The following BDP1 variants were observed in gnomAD, a reference collection of about 807,000 sequenced individuals.
BDP1 encodes the protein BDP1 general transcription factor IIIB subunit.
In BDP1, 169 loss-of-function variants were observed where a neutral mutation model predicts 266.6. That is an observed-to-expected ratio of 0.63 (90% confidence interval 0.56 to 0.72). The LOEUF (loss-of-function observed/expected upper bound fraction) is 0.72, where lower values mean the gene tolerates loss of function less well. Ranked by LOEUF, BDP1 falls within the 30% of genes least tolerant of loss-of-function variation. The probability of loss-of-function intolerance (pLI) is 0.00; values close to 1 mark genes in which losing one functional copy is unlikely to be tolerated. For missense variants in BDP1, 3,015 were observed against 3,053.8 expected, an observed-to-expected ratio of 0.99 and a Z score of 0.30; for synonymous variants, 1,090 against 1,022.4, an observed-to-expected ratio of 1.07 and a Z score of -1.26.
At position 71,566,865 on chromosome 5, in the gene BDP1, T is replaced by C. The variant is rs1379822240; in HGVS notation, c.*1980T>C. The C allele has an allele frequency of 1.3e-5, 2 of 152,236 alleles. No individual in the cohort carries two copies. The highest frequency in any genetic ancestry group is 1.3e-4 in the Admixed American group (2 of 15,280). 9.4% of individuals were successfully genotyped at this position (152,236 alleles called of 1,614,324 possible). ...AGATATTTTAGAGTCTAGATAATTA[T>C]GTTTGTATATTGAAAAAATGGTGGC... On this transcript the variant is annotated 3_prime_UTR_variant, in exon 39 of 39. Transcript: ENST00000358731.
chr5:71,456,393 T>G (rs530119759), intron 1 of BDP1, among the ~76,000 whole-genome samples: 2 of 152,346 alleles, frequency 1.3e-5, no homozygotes, highest in Admixed American at 6.5e-5. Context: ...ATTTGAGAAT[T>G]TAGGTCACTA....
intron 7 of BDP1, among the ~76,000 whole-genome samples, chr5:71,481,540 T>C (rs1449459616): frequency 6.6e-6 from 1 of 151,570 alleles, no homozygotes; most frequent in Non-Finnish European, 1.5e-5. Context: ...CTGGAAGACA[T>C]CAAGACTCTG....
At chr5:71,469,252 C>G (rs937582743) in intron 6 of BDP1, among the ~76,000 whole-genome samples, 2 of 151,974 alleles carry the variant, frequency 1.3e-5, no homozygotes, top group Non-Finnish European at 2.9e-5. Flanking sequence ...GATTCTCCTT[C>G]CTCAGTCTCC....
At chr5:71,483,664 A>G (rs1763091345) in intron 7 of BDP1, among the ~76,000 whole-genome samples, 178 bp from the exon 8 acceptor site, 1 of 152,236 alleles carries the variant, frequency 6.6e-6, no homozygotes, top group South Asian at 2.1e-4. Context: ...CTCAGTAAAA[A>G]TCTTTCATCC....
intron 13 of BDP1, among the ~76,000 whole-genome samples, chr5:71,497,678 T>A (rs1020707594): frequency 2.0e-5 from 3 of 152,218 alleles, no homozygotes; most frequent in African/African-American, 7.2e-5. Flanking sequence ...TCTATAAAAT[T>A]TTTATTTAAA....
intron 9 of BDP1, among the ~76,000 whole-genome samples, chr5:71,489,065 T>A (rs1763433800): frequency 6.6e-6 from 1 of 152,218 alleles, no homozygotes; most frequent in Non-Finnish European, 1.5e-5. Context: ...TTTATTGGGA[T>A]GAAACCCAGT....
intron 25 of BDP1, among the ~76,000 whole-genome samples, chr5:71,532,036 A>G (rs1766279360): frequency 6.6e-6 from 1 of 152,162 alleles, no homozygotes; most frequent in South Asian, 2.1e-4. Context: ...GAAAATGGAA[A>G]ATGAAATGCC....
the BDP1 span, among the ~76,000 whole-genome samples, chr5:71,577,720 G>T: frequency 6.6e-6 from 1 of 151,940 alleles, no homozygotes; most frequent in South Asian, 2.1e-4. Context: ...CTGAATTCCA[G>T]CAAGGCCTGG....
chr5:71,483,962 C>A, intron 8 of BDP1, 66 bp downstream of exon 8: 1 of 1,293,294 alleles, frequency 7.7e-7, no homozygotes, highest in Non-Finnish European at 1.1e-6. Flanking sequence ...AGTCTTTTGT[C>A]TTTGGCTTTA....
At chr5:71,577,226 C>A in the BDP1 span, among the ~76,000 whole-genome samples, 1 of 152,202 alleles carries the variant, frequency 6.6e-6, no homozygotes, top group African/African-American at 2.4e-5. Context: ...TGTGAAACTT[C>A]TTCTAACTCA....
At chr5:71,477,404 C>T (rs932844009) in intron 7 of BDP1, among the ~76,000 whole-genome samples, 2 of 152,082 alleles carry the variant, frequency 1.3e-5, no homozygotes, top group Non-Finnish European at 2.9e-5. Context: ...CTGCTTCAGC[C>T]TCTCAAAGTG....
At chr5:71,471,095 A>G (rs1762215458) in intron 7 of BDP1, among the ~76,000 whole-genome samples, 1 of 151,864 alleles carries the variant, frequency 6.6e-6, no homozygotes, top group Non-Finnish European at 1.5e-5. Context: ...TTACATAATG[A>G]AAAGAGAAGA....
chr5:71,456,591 GA>G (rs1165625541), intron 1 of BDP1, among the ~76,000 whole-genome samples: 2 of 152,242 alleles, frequency 1.3e-5, no homozygotes, highest in Non-Finnish European at 2.9e-5. Context: ...CCTGAATAGA[GA>G]AGCATGGCTT....
intron 16 of BDP1, among the ~76,000 whole-genome samples, chr5:71,508,043 C>T (rs997620483): frequency 6.6e-6 from 1 of 152,168 alleles, no homozygotes; most frequent in East Asian, 1.9e-4. Context: ...TGGCTCACTG[C>T]AACCTCCGCC....
intron 4 of BDP1, among the ~76,000 whole-genome samples, chr5:71,465,320 C>T (rs1429790971): frequency 6.6e-6 from 1 of 152,046 alleles, no homozygotes; most frequent in Non-Finnish European, 1.5e-5. Context: ...TGCACTGTCA[C>T]CTAGGCTGGG....
At position 71,503,905 on chromosome 5, in the gene BDP1, A is replaced by G. The variant is rs562828357; in HGVS notation, c.2242-716A>G. On this transcript the variant is annotated intron_variant, in intron 15 of 38. Transcript: ENST00000358731. ...AGGATCAATTGAGCCCAGGAGTTCA[A>G]GCCTCCAGTGAGCTATCTATAATTA... Among the ~76,000 whole-genome samples the G allele has an allele frequency of 1.7e-4, 26 of 151,958 alleles. No individual in the cohort carries two copies. The South Asian group carries it at 4.8e-3, about 28-fold the overall frequency.
chr5:71,541,713 A>G, intron 29 of BDP1, 31 bp downstream of exon 29: 1 of 1,331,790 alleles, frequency 7.5e-7, no homozygotes, highest in African/African-American at 1.5e-5. Flanking sequence ...AATAAATATT[A>G]CTAAAACCAC....
chr5:71,457,212 A>T (rs1173681925), intron 1 of BDP1, among the ~76,000 whole-genome samples: 1 of 150,276 alleles, frequency 6.7e-6, no homozygotes, highest in Non-Finnish European at 1.5e-5. Context: ...ATGGTCAAGG[A>T]TATTTAATTT....
In BDP1 at chr5:71,506,758, T is replaced by TTATATA. The variant is rs67179518; in HGVS notation, c.2372+2025_2372+2030dup. On this transcript the variant is annotated intron_variant, in intron 16 of 38. Coordinates refer to ENST00000358731, the MANE Select transcript of BDP1 (RefSeq NM_018429.3). ...GATTTGGTGATGTTTGTTTGGAGGT[T>TTATATA]TATATATATATATATATATATATTT... Among the ~76,000 whole-genome samples the TTATATA allele has an allele frequency of 6.5e-3, 885 of 135,842 alleles. 11 individuals carry two copies. Among genetic ancestry groups the TTATATA allele is most frequent in the African/African-American group, 0.017 (597 of 35,762 alleles). 89.1% of individuals were successfully genotyped at this position (135,842 alleles called of 152,430 possible).
Sources: allele counts gnomAD v4.1 joint callset (sites outside exome capture counted in the v4.1 genomes callset), GRCh38; gene constraint gnomAD v4.1.1; transcripts MANE v1.5; gene names NCBI Gene and HGNC (gene_info 2026-07-23, HGNC 2026-07-21).